Variants in MYO1D observed in about 807,000 individuals in gnomAD.
MYO1D encodes the protein unconventional myosin-Id.
A neutral mutation model predicts 122.0 loss-of-function variants in MYO1D; 83 were observed. That is an observed-to-expected ratio of 0.68 (90% CI 0.57 to 0.82). The LOEUF (loss-of-function observed/expected upper bound fraction) is 0.82, where lower values mean the gene tolerates loss of function less well. Among genes scored for constraint, MYO1D ranks in the 40% least tolerant of loss-of-function variants. The probability of loss-of-function intolerance (pLI) is 0.00; values close to 1 mark genes in which losing one functional copy is unlikely to be tolerated. For missense variants in MYO1D, 1,157 were observed against 1,269.5 expected (o/e 0.91, Z 1.35); for synonymous variants, 464 against 446.9 (o/e 1.04, Z -0.48).
intron 19 of MYO1D, among the ~76,000 whole-genome samples, chr17:32,652,864 G>A (rs890523468): frequency 1.3e-5 from 2 of 152,100 alleles, no homozygotes; most frequent in Non-Finnish European, 2.9e-5. Flanking sequence ...GGTATAGGCT[G>A]GGCGCGGTGG....
At chr17:32,596,091 T>TC (rs903981536) in intron 21 of MYO1D, among the ~76,000 whole-genome samples, 6 of 152,182 alleles carry the variant, frequency 3.9e-5, no homozygotes, top group African/African-American at 1.4e-4. Flanking sequence ...CACTTTTCTG[T>TC]CCCCCATAAG....
intron 20 of MYO1D, among the ~76,000 whole-genome samples, chr17:32,626,406 A>G (rs552212563): frequency 2.0e-4 from 30 of 152,364 alleles, no homozygotes; most frequent in African/African-American, 6.7e-4. Flanking sequence ...TTAAGGTGGT[A>G]CTGTACTAAT....
chr17:32,690,152 G>C (rs1385376751), intron 16 of MYO1D, among the ~76,000 whole-genome samples: 1 of 151,062 alleles, frequency 6.6e-6, no homozygotes, highest in Non-Finnish European at 1.5e-5. Context: ...TCAAGTTGGG[G>C]TATTTGGGGT....
intron 16 of MYO1D, among the ~76,000 whole-genome samples, chr17:32,695,319 C>T (rs1224895558): frequency 6.6e-6 from 1 of 152,222 alleles, no homozygotes; most frequent in Non-Finnish European, 1.5e-5. Context: ...GGAGGCGGAG[C>T]TCAGGTGGTA....
intron 21 of MYO1D, among the ~76,000 whole-genome samples, chr17:32,517,182 G>C (rs753854703): frequency 6.6e-6 from 1 of 152,228 alleles, no homozygotes; most frequent in East Asian, 1.9e-4. Flanking sequence ...GACACCCTGG[G>C]TAATATTTAG....
At chr17:32,586,809 C>T (rs535608327) in intron 21 of MYO1D, among the ~76,000 whole-genome samples, 38 of 152,290 alleles carry the variant, frequency 2.5e-4, no homozygotes, top group African/African-American at 8.4e-4. Context: ...CTCTCCATGA[C>T]TGCTCAAAGA....
At chr17:32,641,953 A>G (rs1271931197) in intron 19 of MYO1D, among the ~76,000 whole-genome samples, 3 of 152,166 alleles carry the variant, frequency 2.0e-5, no homozygotes, top group Non-Finnish European at 4.4e-5. Context: ...CCATTTGTCA[A>G]TTCTGGCTTT....
chr17:32,679,599 A>G (rs1232888278), intron 16 of MYO1D, among the ~76,000 whole-genome samples: 4 of 152,038 alleles, frequency 2.6e-5, no homozygotes, highest in South Asian at 2.1e-4. Context: ...TGAGGGCTCT[A>G]TTCTGTTCCA....
intron 21 of MYO1D, chr17:32,519,203 G>A (rs575407407): frequency 2.6e-5 from 4 of 152,550 alleles, no homozygotes; most frequent in African/African-American, 7.2e-5. Flanking sequence ...GCCCAGGTGA[G>A]GGAAGCAAGT....
chr17:32,496,071 C>T (rs960718834), intron 21 of MYO1D: 2 of 152,342 alleles, frequency 1.3e-5, no homozygotes, highest in African/African-American at 2.4e-5. Context: ...CCTGGAGTCG[C>T]CTTCACCAGG....
intron 19 of MYO1D, among the ~76,000 whole-genome samples, chr17:32,642,897 C>T (rs1256597360): frequency 6.6e-6 from 1 of 152,164 alleles, no homozygotes; most frequent in Non-Finnish European, 1.5e-5. Context: ...TCCTCTTTTC[C>T]TAATTGAATA....
At chr17:32,596,013 T>C (rs773314257) in intron 21 of MYO1D, among the ~76,000 whole-genome samples, 5 of 152,102 alleles carry the variant, frequency 3.3e-5, no homozygotes, top group Non-Finnish European at 7.4e-5. Context: ...TACAGAAAGG[T>C]GTCCTTGCTT....
At chr17:32,516,710 T>G (rs1306347964) in intron 21 of MYO1D, among the ~76,000 whole-genome samples, 2 of 152,258 alleles carry the variant, frequency 1.3e-5, no homozygotes, top group Non-Finnish European at 2.9e-5. Context: ...GTGGGCAGTT[T>G]AGGCAAATTT....
At chr17:32,630,727 C>T (rs2087993510) in intron 20 of MYO1D, among the ~76,000 whole-genome samples, 1 of 152,094 alleles carries the variant, frequency 6.6e-6, no homozygotes, top group Non-Finnish European at 1.5e-5. Context: ...TGCCTGCCGC[C>T]ACATCTGGCT....
chr17:32,657,598 G>A (rs547143768), intron 17 of MYO1D, among the ~76,000 whole-genome samples: 8 of 152,372 alleles, frequency 5.3e-5, no homozygotes, highest in South Asian at 4.1e-4. Flanking sequence ...GCACGTGTGC[G>A]TATACAGAAC....
chr17:32,572,173 T>C (rs776677452), intron 21 of MYO1D, among the ~76,000 whole-genome samples: 4 of 151,938 alleles, frequency 2.6e-5, no homozygotes, highest in Admixed American at 1.3e-4. Flanking sequence ...TCTCTGTATT[T>C]CCCATTTTCT....
At chr17:32,687,134 C>A (rs948210259) in intron 16 of MYO1D, among the ~76,000 whole-genome samples, 6 of 151,504 alleles carry the variant, frequency 4.0e-5, no homozygotes, top group African/African-American at 1.5e-4. Flanking sequence ...CCTTACCCCC[C>A]GCCCGCACCC....
At chr17:32,808,611 T>C (rs148775085) in intron 1 of MYO1D, among the ~76,000 whole-genome samples, 6 of 152,232 alleles carry the variant, frequency 3.9e-5, no homozygotes, top group African/African-American at 1.4e-4. Context: ...ATCTAACTCC[T>C]AATGTGATGG....
At chr17:32,718,268 T>C (rs187570163) in intron 15 of MYO1D, among the ~76,000 whole-genome samples, 2 of 152,184 alleles carry the variant, frequency 1.3e-5, no homozygotes, top group East Asian at 1.9e-4. Context: ...TCTCAGAGAG[T>C]TCCCCCATTC....
Sources: allele counts gnomAD v4.1 joint callset (sites outside exome capture counted in the v4.1 genomes callset), GRCh38; gene constraint gnomAD v4.1.1; transcripts MANE v1.5; gene names NCBI Gene and HGNC (gene_info 2026-07-23, HGNC 2026-07-21).